Variants in MPHOSPH10 observed in about 807,000 individuals in gnomAD.
The protein encoded by MPHOSPH10 is U3 small nucleolar ribonucleoprotein MPP10.
Under a neutral mutation model 77.3 loss-of-function variants are expected in MPHOSPH10, and 33 were observed. That is an observed-to-expected ratio of 0.43 (90% CI 0.32 to 0.57). MPHOSPH10 has a LOEUF of 0.57. MPHOSPH10 is among the 20% of genes least tolerant of loss of function. MPHOSPH10 has a pLI of 0.07. For missense variants in MPHOSPH10, 708 were observed against 780.1 expected (o/e 0.91, Z 1.10); for synonymous variants, 245 against 268.0 (o/e 0.91, Z 0.84).
At chr2:71,147,891 C>T in intron 8 of MPHOSPH10, 108 bp from the exon 9 acceptor site, 1 of 800,042 alleles carries the variant, frequency 1.2e-6, no homozygotes, top group South Asian at 1.8e-5. Flanking sequence ...AAGATAATCT[C>T]CATAAAGTAT....
intron 7 of MPHOSPH10, among the ~76,000 whole-genome samples, chr2:71,143,613 T>C (rs940686289): frequency 1.3e-5 from 2 of 152,202 alleles, no homozygotes; most frequent in African/African-American, 4.8e-5. Context: ...AAGCAGTTGC[T>C]ACCCTTTCCT....
intron 7 of MPHOSPH10, among the ~76,000 whole-genome samples, chr2:71,142,249 A>C (rs1387088511): frequency 2.0e-5 from 3 of 152,226 alleles, no homozygotes; most frequent in Non-Finnish European, 4.4e-5. Context: ...AGTTAGCAAC[A>C]GCAAATTGCC....
At position 71,149,355 on chromosome 2, in the gene MPHOSPH10, G is replaced by A. The variant is rs1475698630; in HGVS notation, c.1798G>A (p.Glu600Lys). The change falls in exon 10 of 11, where the codon GAA (glutamate) becomes AAA (lysine). Residue 600 changes from glutamate (E) to lysine (K), a missense_variant. Transcript: ENST00000244230. ...KEKEKRRKLL[E>K]KSSVDQAGKY... ...GAAGGAGAAGCGGAGAAAACTGCTT[G>A]AAAAGAGCAGTGTAGATCAAGCAGG... is the stretch of plus-strand genomic sequence containing the variant. 1.2e-6 allele frequency: 2 copies of A among 1,614,036 alleles called. No individual in the cohort carries two copies. The highest frequency in any genetic ancestry group is 8.5e-7 in the Non-Finnish European group (1 of 1,180,004).
intron 10 of MPHOSPH10, 46 bp downstream of exon 10, chr2:71,149,499 G>T: frequency 6.5e-7 from 1 of 1,533,714 alleles, no homozygotes; most frequent in Middle Eastern, 1.7e-4. Context: ...CTTTGTGGGG[G>T]AAGTGGATAG....
In MPHOSPH10 at chr2:71,149,324, A is replaced by G. The variant is rs747877316; in HGVS notation, c.1767A>G (p.Ile589Met). Residue 589 changes from isoleucine to methionine, a missense_variant, in exon 10 of 11, where the codon ATA becomes ATG. By Grantham distance (10) the Ile-to-Met change is conservative. Transcript: ENST00000244230. ...AGAAATATCAAAAGCGTATGAAAATAAAAGAGAAGGAGAAGCGGAGAAAAC... is the reference window on the plus strand; with the variant it reads ...AGAAATATCAAAAGCGTATGAAAATGAAAGAGAAGGAGAAGCGGAGAAAAC... ...RKKKYQKRMKIKEKEKRRKLL... is the reference protein window; with the variant it reads ...RKKKYQKRMKMKEKEKRRKLL... 6.2e-7 allele frequency: 1 copy of G among 1,613,434 alleles called. No individual in the cohort carries two copies. Among genetic ancestry groups the G allele is most frequent in the African/African-American group, 1.3e-5 (1 of 75,022 alleles).
Position 71,149,466 on chromosome 2 carries a change from GA to G in MPHOSPH10, c.1896+16del. 6.2e-7 allele frequency: 1 copy of G among 1,602,932 alleles called. No individual in the cohort carries two copies. The highest frequency in any genetic ancestry group is 8.5e-7 in the Non-Finnish European group (1 of 1,174,384). ...TTCCTTCATAAAGGTAAGGACAAGG[GA>G]AAGAAAACTGCTCAAGGGGACCTTT... On this transcript the variant is annotated intron_variant, in intron 10 of 10. Coordinates refer to ENST00000244230, the MANE Select transcript of MPHOSPH10 (RefSeq NM_005791.3).
At chr2:71,143,448 AT>A (rs1000154373) in intron 7 of MPHOSPH10, among the ~76,000 whole-genome samples, 7 of 151,934 alleles carry the variant, frequency 4.6e-5, no homozygotes, top group Non-Finnish European at 8.8e-5. Flanking sequence ...ATGCTGGGCC[AT>A]TTTTTTTCTT....
chr2:71,143,142 T>TTTCC (rs1273323436), intron 7 of MPHOSPH10, among the ~76,000 whole-genome samples: 1 of 151,738 alleles, frequency 6.6e-6, no homozygotes. Context: ...TACTTCTTTT[T>TTTCC]TTTCTTTTTT....
intron 10 of MPHOSPH10, among the ~76,000 whole-genome samples, 193 bp downstream of exon 10, chr2:71,149,646 T>G (rs1364979613): frequency 1.3e-5 from 2 of 152,236 alleles, no homozygotes; most frequent in African/African-American, 2.4e-5. Flanking sequence ...ATAACCTGGG[T>G]CCTGGCAGCA....
chr2:71,149,394 A>C lies in MPHOSPH10; in HGVS notation c.1837A>C (p.Thr613Pro). Residue 613 changes from threonine (T) to proline (P), a missense_variant, in exon 10 of 11, where the codon ACA (threonine) becomes CCA (proline). Physicochemically the swap from Thr to Pro is conservative, Grantham distance 38. Transcript: ENST00000244230. ...AGATCAAGCAGGGAAATACAGCAAA[A>C]CAGTAGCTTCGGAGAAGTTAAAACA... ...SVDQAGKYSK[T>P]VASEKLKQLT... The C allele has an allele frequency of 6.2e-7, 1 of 1,612,608 alleles. No homozygotes were observed. Among genetic ancestry groups the C allele is most frequent in the Non-Finnish European group, 8.5e-7 (1 of 1,179,348 alleles).
In MPHOSPH10 at chr2:71,148,083, C is replaced by G; in HGVS notation, c.1642C>G (p.Leu548Val). 6.2e-7 allele frequency: 1 copy of G among 1,614,028 alleles called. No homozygotes were observed. The highest frequency in any genetic ancestry group is 8.5e-7 in the Non-Finnish European group (1 of 1,179,890). Residue 548 changes from leucine to valine, a missense_variant, in exon 9 of 11, where the codon CTC becomes GTC. Physicochemically the swap from Leu to Val is conservative, Grantham distance 32. Coordinates refer to ENST00000244230, the MANE Select transcript of MPHOSPH10 (RefSeq NM_005791.3). ...CCCAGTGAGTGTTAGTGATGCAGCTCTCCTGGCCCCAGAGGAGATCAAGGT... is the reference window on the plus strand; with the variant it reads ...CCCAGTGAGTGTTAGTGATGCAGCTGTCCTGGCCCCAGAGGAGATCAAGGT... ...VAPVSVSDAA[L>V]LAPEEIKEKN...
intron 3 of MPHOSPH10, 78 bp downstream of exon 3, chr2:71,134,183 T>C: frequency 7.1e-7 from 1 of 1,401,372 alleles, no homozygotes; most frequent in Non-Finnish European, 9.6e-7. Flanking sequence ...TTATCAAATG[T>C]GTTTGTCTTA....
chr2:71,137,582 C>T (rs556614676), intron 4 of MPHOSPH10, among the ~76,000 whole-genome samples: 5 of 147,792 alleles, frequency 3.4e-5, no homozygotes, highest in Non-Finnish European at 5.9e-5. Context: ...TTGCTTGAGC[C>T]TAGGAGGTGG....
Position 71,138,490 on chromosome 2 carries a change from A to C in MPHOSPH10, c.1099A>C (p.Met367Leu), listed in dbSNP as rs1230578509. 1.3e-6 allele frequency: 2 copies of C among 1,573,240 alleles called. No individual in the cohort carries two copies. Among genetic ancestry groups the C allele is most frequent in the Admixed American group, 1.9e-5 (1 of 51,890 alleles). Residue 367 changes from methionine (M) to leucine (L), a missense_variant and splice_region_variant, in exon 5 of 11, where the codon ATG becomes CTG. By Grantham distance (15) the Met-to-Leu change is conservative (BLOSUM62 2). Around this residue, in one of 3 missense-constraint regions of MPHOSPH10, gnomAD observed 433 missense variants for 432.6 expected, o/e 1.00. Coordinates refer to ENST00000244230, the MANE Select transcript of MPHOSPH10 (RefSeq NM_005791.3). ...ACTAGTTATTTTATCTCTTTCTTAG[A>C]TGAATGAAAAAATTGCATCTTTAGA... ...KSSFEKRQEKMNEKIASLEKE... is the reference protein window; with the variant it reads ...KSSFEKRQEKLNEKIASLEKE...
At position 71,148,077 on chromosome 2, in the gene MPHOSPH10, G is replaced by A. The variant is rs146484955; in HGVS notation, c.1636G>A (p.Ala546Thr). Residue 546 changes from alanine (A) to threonine (T), a missense_variant, in exon 9 of 11, where the codon GCA becomes ACA. By Grantham distance (58) the Ala-to-Thr change is moderately conservative (BLOSUM62 0). Around this residue, in one of 3 missense-constraint regions of MPHOSPH10, gnomAD observed 263 missense variants for 320.0 expected, o/e 0.82. Transcript: ENST00000244230. ...AGTAGCCCCAGTGAGTGTTAGTGATGCAGCTCTCCTGGCCCCAGAGGAGAT... is the reference window on the plus strand; with the variant it reads ...AGTAGCCCCAGTGAGTGTTAGTGATACAGCTCTCCTGGCCCCAGAGGAGAT... Reference protein sequence around the residue: ...EEVAPVSVSDAALLAPEEIKE... With the variant: ...EEVAPVSVSDTALLAPEEIKE... 38 of 1,614,066 alleles carry A rather than the reference G, an allele frequency of 2.4e-5. No homozygotes were observed. The African/African-American group carries it at 4.9e-4, about 21-fold the overall frequency.
At position 71,133,386 on chromosome 2, in the gene MPHOSPH10, A is replaced by G; in HGVS notation, c.578A>G (p.Lys193Arg). Residue 193 changes from lysine (K) to arginine (R), a missense_variant, in exon 2 of 11, where the codon AAA becomes AGA. Transcript: ENST00000244230. The part of the protein sequence containing the change: ...QSKVQNKGQG[K>R]PREKSIVDDK... ...AAGGTGCAAAACAAAGGACAGGGAA[A>G]ACCAAGAGAAAAGTCCATAGTAGAT... is the stretch of plus-strand genomic sequence containing the variant. The G allele has an allele frequency of 1.2e-6, 2 of 1,614,178 alleles. No individual in the cohort carries two copies. The highest frequency in any genetic ancestry group is 1.7e-6 in the Non-Finnish European group (2 of 1,180,018).
intron 3 of MPHOSPH10, 73 bp from the exon 4 acceptor site, chr2:71,134,553 G>C: frequency 7.1e-7 from 1 of 1,408,762 alleles, no homozygotes; most frequent in Non-Finnish European, 9.7e-7. Flanking sequence ...CTTTATTAAG[G>C]GAAAATTTGT....
intron 8 of MPHOSPH10, among the ~76,000 whole-genome samples, chr2:71,146,675 T>C (rs1416603637): frequency 1.3e-5 from 2 of 152,124 alleles, no homozygotes; most frequent in Non-Finnish European, 2.9e-5. Context: ...TTTCTCCATA[T>C]TTCTCTTTAA....
rs776945255 is a variant in MPHOSPH10, at chr2:71,130,683, G to T, written c.18G>T (p.Trp6Cys). Residue 6 changes from tryptophan (W) to cysteine (C), a missense_variant, in exon 1 of 11, where the codon TGG (tryptophan) becomes TGT (cysteine). By Grantham distance (215) the Trp-to-Cys change is radical (BLOSUM62 -2). Around this residue, in one of 3 missense-constraint regions of MPHOSPH10, gnomAD observed 433 missense variants for 432.6 expected, o/e 1.00. Transcript: ENST00000244230. ...TGACAGCCATGGCGCCGCAGGTCTG[G>T]CGTCGACGGACCCTGGAGCGGTGTC... The part of the protein sequence containing the change: MAPQV[W>C]RRRTLERCLT... 1 of 1,610,152 alleles carries T rather than the reference G, an allele frequency of 6.2e-7. No individual in the cohort carries two copies. The highest frequency in any genetic ancestry group is 8.5e-7 in the Non-Finnish European group (1 of 1,178,852).
Sources: allele counts gnomAD v4.1 joint callset (sites outside exome capture counted in the v4.1 genomes callset), GRCh38; gene constraint gnomAD v4.1.1; regional missense constraint gnomAD v4.1.1; transcripts MANE v1.5; gene names NCBI Gene and HGNC (gene_info 2026-07-23, HGNC 2026-07-21).